Variants in PDE4D observed in about 807,000 individuals in gnomAD.
PDE4D encodes the protein phosphodiesterase 4D, also known as 3',5'-cyclic-AMP phosphodiesterase 4D.
Under a neutral mutation model 87.4 loss-of-function variants are expected in PDE4D, and 24 were observed. That is an observed-to-expected ratio of 0.27 (90% CI 0.20 to 0.39). The LOEUF (loss-of-function observed/expected upper bound fraction) is 0.39, where lower values mean the gene tolerates loss of function less well. Among genes scored for constraint, PDE4D ranks in the 10% least tolerant of loss-of-function variants. The probability of loss-of-function intolerance (pLI) is 1.00; values close to 1 mark genes in which losing one functional copy is unlikely to be tolerated. For synonymous variants in PDE4D, 384 were observed against 383.2 expected, an observed-to-expected ratio of 1.00 and a Z score of -0.02; for missense variants, 714 against 1,041.0, an observed-to-expected ratio of 0.69 and a Z score of 4.32.
At chr5:59,031,707 C>CA (rs70973183) in intron 6 of PDE4D, among the ~76,000 whole-genome samples, 1,357 of 16,652 alleles carry the variant, frequency 0.081, 275 homozygotes, top group East Asian at 0.1. Context: ...GACTCCACCT[C>CA]AAAAAAAAAA....
chr5:60,150,805 T>C (rs1401375585), intron 2 of PDE4D, among the ~76,000 whole-genome samples: 1 of 151,986 alleles, frequency 6.6e-6, no homozygotes, highest in Non-Finnish European at 1.5e-5. Context: ...ACCCCGAAGG[T>C]TTGGAAATCT....
At chr5:60,498,734 T>TA (rs1423750452) in intron 1 of PDE4D, among the ~76,000 whole-genome samples, 1 of 152,224 alleles carries the variant, frequency 6.6e-6, no homozygotes, top group Non-Finnish European at 1.5e-5. Context: ...TTGTTTTTTT[T>TA]AATCTTGTCT....
At chr5:59,309,692 G>A (rs2153565180) in intron 1 of PDE4D, among the ~76,000 whole-genome samples, 1 of 152,282 alleles carries the variant, frequency 6.6e-6, no homozygotes, top group Middle Eastern at 3.4e-3. Context: ...TGTTCTTGCA[G>A]TCAATCTGGA....
rs547141139 is a variant in PDE4D at position 60,451,149 on chromosome 5, C to T, written c.-90+36793G>A. Among the ~76,000 whole-genome samples, 3 of 152,152 alleles carry T rather than the reference C, an allele frequency of 2.0e-5. 1 individual carries two copies. The South Asian group carries it at 6.2e-4, about 32-fold the overall frequency. On this transcript the variant is annotated intron_variant, in intron 1 of 16. Coordinates refer to the PDE4D transcript ENST00000502484. The stretch of plus-strand genomic sequence containing the variant: ...CTAAGCACCCTATGGTAGACGGAAG[C>T]CCAGTGTCTTGTCAAAAATCCTAGA...
intron 1 of PDE4D, among the ~76,000 whole-genome samples, chr5:60,336,974 G>A (rs1757803855): frequency 6.6e-6 from 1 of 151,668 alleles, no homozygotes; most frequent in Non-Finnish European, 1.5e-5. Flanking sequence ...TATCTTCCTG[G>A]TGTATAAAAC....
intron 2 of PDE4D, among the ~76,000 whole-genome samples, chr5:60,145,909 A>C (rs548220658): frequency 3.3e-4 from 50 of 152,234 alleles, no homozygotes; most frequent in African/African-American, 1.2e-3. Context: ...AAATCTTTCA[A>C]CTAGGTTATA....
intron 1 of PDE4D, among the ~76,000 whole-genome samples, chr5:60,429,212 C>T (rs1743979562): frequency 6.6e-6 from 1 of 152,312 alleles, no homozygotes; most frequent in East Asian, 1.9e-4. Context: ...CATTGGAGAG[C>T]TCTTTCACTT....
At chr5:59,119,132 C>G (rs1440318450) in intron 5 of PDE4D, among the ~76,000 whole-genome samples, 3 of 152,126 alleles carry the variant, frequency 2.0e-5, no homozygotes, top group Non-Finnish European at 4.4e-5. Context: ...TTCTTCCTGC[C>G]TCCTTTAAGG....
chr5:60,221,581 C>A (rs373881339), intron 1 of PDE4D, among the ~76,000 whole-genome samples: 40 of 152,112 alleles, frequency 2.6e-4, no homozygotes, highest in African/African-American at 8.9e-4. Flanking sequence ...TCCATTACCC[C>A]AAAAGTTTCC....
intron 2 of PDE4D, among the ~76,000 whole-genome samples, chr5:59,201,422 AGAT>A (rs1355818253): frequency 2.0e-5 from 3 of 152,162 alleles, no homozygotes; most frequent in Non-Finnish European, 4.4e-5. Context: ...CGTTTAAAAG[AGAT>A]GATTTGTTTT....
chr5:59,947,944 T>C (rs1051996754), intron 3 of PDE4D, among the ~76,000 whole-genome samples: 7 of 152,020 alleles, frequency 4.6e-5, no homozygotes, highest in Non-Finnish European at 1.0e-4. Flanking sequence ...GAGGTGGAGG[T>C]TGCAGTGAGC....
At chr5:59,032,337 T>C (rs151003825) in intron 6 of PDE4D, among the ~76,000 whole-genome samples, 1 of 152,270 alleles carries the variant, frequency 6.6e-6, no homozygotes, top group African/African-American at 2.4e-5. Flanking sequence ...ATCCCAGCAC[T>C]GTGGGAGGCC....
chr5:59,653,401 G>A (rs944713997), intron 1 of PDE4D, among the ~76,000 whole-genome samples: 3 of 151,806 alleles, frequency 2.0e-5, no homozygotes, highest in Admixed American at 6.6e-5. Context: ...ATGGGGTTTC[G>A]CCACTCCCTG....
rs1041329173 is a variant in PDE4D at position 58,993,299 on chromosome 5, C to A, written c.1015+73G>T. On this transcript the variant is annotated intron_variant, in intron 7 of 14. Transcript: ENST00000340635. ...GTTTGGTTTCCAAAATGAGTTGGCA[C>A]CCCAATCCTCCTACAAAAACAAACA... The A allele has an allele frequency of 2.4e-5, 20 of 817,752 alleles. No homozygotes were observed. In the South Asian group the frequency reaches 3.1e-4, roughly 13 times the overall value. 50.7% of individuals were successfully genotyped at this position (817,752 alleles called of 1,614,324 possible). A position where few individuals can be genotyped will look rare whatever the true frequency, so the allele number is the denominator to read the frequency against.
intron 1 of PDE4D, among the ~76,000 whole-genome samples, chr5:59,665,180 T>C (rs1039713880): frequency 1.3e-5 from 2 of 152,212 alleles, no homozygotes; most frequent in African/African-American, 4.8e-5. Context: ...AACTTGAGTA[T>C]GCACATTGAG....
intron 1 of PDE4D, among the ~76,000 whole-genome samples, chr5:59,603,523 G>C (rs1218050828): frequency 6.6e-6 from 1 of 151,916 alleles, no homozygotes; most frequent in Non-Finnish European, 1.5e-5. Flanking sequence ...GTGGAGAAAA[G>C]AGAACCCTTG....
chr5:60,318,155 A>T (rs1290721653), intron 1 of PDE4D, among the ~76,000 whole-genome samples: 1 of 152,274 alleles, frequency 6.6e-6, no homozygotes, highest in Middle Eastern at 3.4e-3. Context: ...TTGCTTTATG[A>T]ATCTGGGTAC....
chr5:59,165,597 T>C (rs1010045744), intron 5 of PDE4D, among the ~76,000 whole-genome samples: 3 of 152,192 alleles, frequency 2.0e-5, no homozygotes, highest in African/African-American at 7.2e-5. Flanking sequence ...TCTCCTCAAA[T>C]AATTTTCATG....
chr5:59,989,306 A>G (rs963034889), intron 2 of PDE4D, among the ~76,000 whole-genome samples: 5 of 151,812 alleles, frequency 3.3e-5, no homozygotes, highest in African/African-American at 9.7e-5. Context: ...ATATCTAAAC[A>G]TAGGAAAGAT....
Sources: allele counts gnomAD v4.1 joint callset (sites outside exome capture counted in the v4.1 genomes callset), GRCh38; gene constraint gnomAD v4.1.1; transcripts MANE v1.5; gene names NCBI Gene and HGNC (gene_info 2026-07-23, HGNC 2026-07-21).